Variants in IKBKG observed in about 807,000 individuals in gnomAD.
The protein encoded by IKBKG is NF-kappa-B essential modulator.
A neutral mutation model predicts 13.7 loss-of-function variants in IKBKG; 2 were observed. The observed-to-expected ratio is 0.15, with a 90% CI of 0.06 to 0.46. The LOEUF (loss-of-function observed/expected upper bound fraction) is 0.46. IKBKG is among the 20% of genes least tolerant of loss of function. The pLI, the probability that IKBKG is intolerant of heterozygous loss-of-function variation, is 0.98. For synonymous variants in IKBKG, 22 were observed against 64.4 expected, an observed-to-expected ratio of 0.34 and a Z score of 3.15; for missense variants, 53 against 150.3, an observed-to-expected ratio of 0.35 and a Z score of 3.39.
upstream of IKBKG, chrX:154,545,856 A>AAT: frequency 2.2e-6 from 1 of 460,822 alleles, no homozygotes; most frequent in East Asian, 3.9e-5. Flanking sequence ...AAAAAAAAAA[A>AAT]GTCTTGCAAG....
intron 1 of IKBKG, 79 bp from the exon 2 acceptor site, chrX:154,551,909 A>C (rs1231501405): frequency 2.7e-6 from 2 of 734,300 alleles, no homozygotes; most frequent in Non-Finnish European, 3.7e-6. Context: ...TTTAAAATGT[A>C]GCCCCAGAAC....
upstream of IKBKG, among the ~76,000 whole-genome samples, chrX:154,542,798 G>C (rs2070556412): frequency 8.9e-6 from 1 of 111,803 alleles, no homozygotes; most frequent in Non-Finnish European, 1.9e-5. Context: ...ATGCGCTTTG[G>C]GGGACTGGGG....
rs2070522383 is a variant in IKBKG, at chrX:154,542,047, G to GA, written c.-186-230dup. On this transcript the variant is annotated intron_variant, in intron 1 of 10. Transcript: ENST00000422680. ...TGGGGGCTGCTGAGTTAGTTCAGCTGAAAAACCAACAAAAGGGCCTCCCTG... is the reference window on the plus strand; with the variant it reads ...TGGGGGCTGCTGAGTTAGTTCAGCTGAAAAAACCAACAAAAGGGCCTCCCTG... Among the ~76,000 whole-genome samples the GA allele has an allele frequency of 8.0e-5, 9 of 112,287 alleles. No homozygotes were observed. The South Asian group carries it at 3.3e-3, about 41-fold the overall frequency.
upstream of IKBKG, chrX:154,547,088 A>C (rs1468424460): frequency 2.6e-5 from 4 of 155,309 alleles, no homozygotes; most frequent in South Asian, 3.0e-4. Flanking sequence ...TGCATCCCCA[A>C]TTCCGGCGGG....
At chrX:154,546,726 C>T (rs1428342996), upstream of IKBKG, 2 of 955,620 alleles carry the variant, frequency 2.1e-6, no homozygotes, top group Non-Finnish European at 1.4e-6. Flanking sequence ...TATTTTACCG[C>T]CGCGCGGCGC....
upstream of IKBKG, chrX:154,547,413 G>A (rs1173651889): frequency 4.0e-6 from 3 of 754,402 alleles, no homozygotes; most frequent in African/African-American, 4.6e-5. Flanking sequence ...TCCGAGAGAC[G>A]AGGGGGCGTG....
chrX:154,552,686 C>T (rs1376212927), intron 2 of IKBKG, among the ~76,000 whole-genome samples: 1 of 110,588 alleles, frequency 9.0e-6, no homozygotes, highest in African/African-American at 3.3e-5. Flanking sequence ...AAGGAAGGTG[C>T]GTGGCCCCCA....
chrX:154,545,733 G>A (rs1172356687), upstream of IKBKG: 2 of 271,986 alleles, frequency 7.4e-6, no homozygotes, highest in Admixed American at 5.7e-5. Flanking sequence ...TACTTGGGGG[G>A]CTGAGGCAGG....
chrX:154,545,593 G>A (rs782413302), upstream of IKBKG, among the ~76,000 whole-genome samples: 8 of 111,556 alleles, frequency 7.2e-5, no homozygotes, highest in African/African-American at 2.6e-4. Context: ...CCAGCACTTT[G>A]GGAGGCCGAG....
At chrX:154,543,968 C>G (rs189112356), upstream of IKBKG, among the ~76,000 whole-genome samples, 3 of 108,326 alleles carry the variant, frequency 2.8e-5, no homozygotes, top group Admixed American at 3.0e-4. Context: ...CCCGAGTTCA[C>G]GCCTTTCTCC....
rs980494975 is a variant in IKBKG at position 154,547,727 on chromosome X, T to G, written c.-34T>G. The G allele has an allele frequency of 1.3e-6, 1 of 754,049 alleles. No individual in the cohort carries two copies. Among genetic ancestry groups the G allele is most frequent in the South Asian group, 6.8e-5 (1 of 14,807 alleles). 62.1% of individuals were successfully genotyped at this position (754,049 alleles called of 1,213,427 possible). On this transcript the variant is annotated 5_prime_UTR_variant, in exon 1 of 10. Transcript: ENST00000594239. ...CCGCCGCTCCCACCCTTCTCACGTC[T>G]GACGGACTCTGCTGACAGGTGTGGT...
upstream of IKBKG, chrX:154,546,224 C>T (rs781992978): frequency 1.7e-6 from 2 of 1,192,712 alleles, no homozygotes; most frequent in Non-Finnish European, 2.3e-6. Flanking sequence ...GAAGTTAGCC[C>T]CTTTCTTGAG....
In IKBKG at chrX:154,551,983, T is replaced by C; in HGVS notation, c.-15-5T>C. 1 of 1,054,808 alleles carries C rather than the reference T, an allele frequency of 9.5e-7. No individual in the cohort carries two copies. The highest frequency in any genetic ancestry group is 1.2e-6 in the Non-Finnish European group (1 of 809,880). 86.9% of individuals were successfully genotyped at this position (1,054,808 alleles called of 1,213,427 possible). On this transcript the variant is annotated splice_polypyrimidine_tract_variant and splice_region_variant and intron_variant, in intron 1 of 9. Coordinates refer to ENST00000594239, the MANE Select transcript of IKBKG (RefSeq NM_001099857.5). ...TGTGACTCCCCTGCTGCCTTTCTCT[T>C]TCAGCCCTTGCCCTGTTGGATGAAT...
At chrX:154,542,474 C>T, upstream of IKBKG, 1 of 1,166,184 alleles carries the variant, frequency 8.6e-7, no homozygotes, top group South Asian at 2.0e-5. Context: ...GGCTCCCTTT[C>T]TGGTAGGGGT....
chrX:154,546,797 C>A (rs1712737911), upstream of IKBKG: 2 of 1,160,504 alleles, frequency 1.7e-6, no homozygotes, highest in Middle Eastern at 2.3e-4. Context: ...ACCTGCGCTT[C>A]GTCGTCGTCG....
chrX:154,546,902 G>A (rs1465126046), upstream of IKBKG: 99 of 868,632 alleles, frequency 1.1e-4, no homozygotes, highest in Non-Finnish European at 1.4e-4. Flanking sequence ...GGGCGCCTGG[G>A]CTGAGCGGAC....
intron 1 of IKBKG, among the ~76,000 whole-genome samples, chrX:154,549,947 G>T (rs2070882181): frequency 8.9e-6 from 1 of 112,006 alleles, no homozygotes; most frequent in South Asian, 3.7e-4. Context: ...GGACATTTGG[G>T]TTGTTTCCAC....
intron 1 of IKBKG, 200 bp downstream of exon 1, chrX:154,547,945 C>T: frequency 2.6e-6 from 2 of 754,864 alleles, no homozygotes; most frequent in Non-Finnish European, 3.1e-6. Context: ...CTACTCCTCC[C>T]TCCTCCTCCA....
intron 2 of IKBKG, among the ~76,000 whole-genome samples, chrX:154,555,895 G>C (rs2148376593): frequency 8.9e-6 from 1 of 112,871 alleles, no homozygotes; most frequent in African/African-American, 3.2e-5. Flanking sequence ...GTACTTTTAA[G>C]TGAAGCTGAT....
Sources: gnomAD v4.1 joint callset for allele counts (sites outside exome capture counted in the v4.1 genomes callset) on GRCh38, gnomAD v4.1.1 for gene constraint, MANE v1.5 for transcripts, NCBI Gene and HGNC (gene_info 2026-07-23, HGNC 2026-07-21) for gene names.